CCDC88B: variants seen among roughly 807,000 people sequenced by gnomAD.
CCDC88B encodes coiled-coil domain-containing protein 88B.
A neutral mutation model predicts 183.7 loss-of-function variants in CCDC88B; 138 were observed. The ratio of observed to expected loss-of-function variants is 0.75; its 90% confidence interval spans 0.65 to 0.87. CCDC88B has a LOEUF of 0.87. Among genes scored for constraint, CCDC88B ranks in the 40% least tolerant of loss-of-function variants. CCDC88B has a pLI of 0.00. For synonymous variants in CCDC88B, 835 were observed against 867.5 expected (o/e 0.96, Z 0.66); for missense variants, 1,822 against 1,965.6 (o/e 0.93, Z 1.38).
At chr11:64,353,274 G>A in intron 21 of CCDC88B, 34 bp downstream of exon 21, 1 of 1,572,520 alleles carries the variant, frequency 6.4e-7, no homozygotes, top group Non-Finnish European at 8.6e-7. Context: ...GTATGGGCGT[G>A]TGGTGGGGCA....
chr11:64,356,911 T>C (rs1054261451), intron 26 of CCDC88B, 128 bp from the exon 27 acceptor site: 2 of 836,490 alleles, frequency 2.4e-6, no homozygotes, highest in Non-Finnish European at 3.8e-6. Context: ...ACAGCAGGCG[T>C]GGTGCAGCTG....
Position 64,344,150 on chromosome 11 carries a change from T to C in CCDC88B, c.1609T>C (p.Leu537=). 6.2e-7 allele frequency: 1 copy of C among 1,613,292 alleles called. No homozygotes were observed. The highest frequency in any genetic ancestry group is 8.5e-7 in the Non-Finnish European group (1 of 1,179,850). The change falls in exon 14 of 27, where the codon TTA becomes CTA. Residue 537 remains leucine, a synonymous_variant. Transcript: ENST00000356786. This position sits in a 1 kb window ranked among gnomAD's most constrained non-coding sequence, Gnocchi z 4.5. ...PQALDLAPPA[L]DSVLEASAEC... Reference sequence around the variant, plus strand: ...GGCCTTGGACTTGGCTCCCCCGGCATTAGACTCAGTGCTCGAGGCATCAGC... The same window carrying C: ...GGCCTTGGACTTGGCTCCCCCGGCACTAGACTCAGTGCTCGAGGCATCAGC...
At chr11:64,345,661 G>A (rs1369894309) in intron 14 of CCDC88B, among the ~76,000 whole-genome samples, 1 of 152,188 alleles carries the variant, frequency 6.6e-6, no homozygotes, top group Non-Finnish European at 1.5e-5. Flanking sequence ...GTCACTAGGT[G>A]GGGAGGACAT....
At chr11:64,341,796 G>C (rs930139730) in intron 7 of CCDC88B, 54 bp downstream of exon 7, 4 of 1,537,170 alleles carry the variant, frequency 2.6e-6, no homozygotes, top group Non-Finnish European at 3.5e-6. Context: ...AGGACCATCA[G>C]GGAGCCGGTT....
rs766487376 is a variant in CCDC88B, at chr11:64,345,103, C to T, written c.2562C>T (p.Arg854=). 1.1e-4 allele frequency: 177 copies of T among 1,550,946 alleles called. No individual in the cohort carries two copies. The highest frequency in any genetic ancestry group is 1.4e-4 in the Non-Finnish European group (163 of 1,151,760). ...ERMQVLESEG[R]QHLEEAERER... ...TGCAGGTGCTGGAGAGCGAGGGCCG[C>T]CAGCACTTGGAGGAGGCTGAGAGGG... is the stretch of plus-strand genomic sequence containing the variant. Residue 854 remains arginine, a synonymous_variant, in exon 14 of 27, where the codon CGC becomes CGT. Coordinates refer to ENST00000356786, the MANE Select transcript of CCDC88B (RefSeq NM_032251.6).
Position 64,357,306 on chromosome 11 carries a change from C to T in CCDC88B, c.*212C>T, listed in dbSNP as rs762147874. The T allele has an allele frequency of 2.2e-4, 160 of 727,566 alleles. No homozygotes were observed. Among genetic ancestry groups the T allele is most frequent in the Non-Finnish European group, 3.5e-4 (139 of 394,190 alleles). The allele number at this position is 727,566 out of a possible 1,614,324, so 45.1% of individuals were successfully genotyped here. On this transcript the variant is annotated 3_prime_UTR_variant, in exon 27 of 27. Transcript: ENST00000356786. ...GGACAGGGGGGATGGCTGGCCCCCA[C>T]GAGCAGCTCCAGGCTGGAGTTCTGG...
chr11:64,342,402 C>T (rs1418434372), intron 9 of CCDC88B, 27 bp downstream of exon 9: 9 of 1,558,062 alleles, frequency 5.8e-6, no homozygotes, highest in Middle Eastern at 2.1e-4. Context: ...CCCGCCACCG[C>T]GGCATTCCCT....
rs200112857 is a variant in CCDC88B at position 64,345,102 on chromosome 11, G to A, written c.2561G>A (p.Arg854His). ...ERMQVLESEG[R>H]QHLEEAERER... ...ATGCAGGTGCTGGAGAGCGAGGGCCGCCAGCACTTGGAGGAGGCTGAGAGG... is the reference window on the plus strand; with the variant it reads ...ATGCAGGTGCTGGAGAGCGAGGGCCACCAGCACTTGGAGGAGGCTGAGAGG... Residue 854 changes from arginine to histidine, a missense_variant, in exon 14 of 27, where the codon CGC becomes CAC. Physicochemically the swap from Arg to His is conservative, Grantham distance 29 (BLOSUM62 0). Coordinates refer to ENST00000356786, the MANE Select transcript of CCDC88B (RefSeq NM_032251.6). 3.4e-5 allele frequency: 53 copies of A among 1,550,730 alleles called. No individual in the cohort carries two copies. Among genetic ancestry groups the A allele is most frequent in the Admixed American group, 2.7e-4 (14 of 51,696 alleles).
chr11:64,345,436 C>A (rs184917697), intron 14 of CCDC88B, among the ~76,000 whole-genome samples: 166 of 152,316 alleles, frequency 1.1e-3, no homozygotes, highest in Admixed American at 4.7e-3. Flanking sequence ...CCCCAGGCAT[C>A]CTTCTGTAAA....
At chr11:64,341,058 G>C (rs1252422913) in intron 3 of CCDC88B, 40 bp downstream of exon 3, 2 of 1,613,800 alleles carry the variant, frequency 1.2e-6, no homozygotes, top group African/African-American at 2.7e-5. Context: ...AGGAGGGGAA[G>C]AGGAGCCCCT....
intron 10 of CCDC88B, 46 bp from the exon 11 acceptor site, chr11:64,343,133 T>C: frequency 6.7e-7 from 1 of 1,483,418 alleles, no homozygotes. Context: ...GGCGCTGGAG[T>C]GCATGGGGGC....
At chr11:64,349,297 C>T in intron 14 of CCDC88B, 34 bp from the exon 15 acceptor site, 8 of 1,545,272 alleles carry the variant, frequency 5.2e-6, no homozygotes, top group Non-Finnish European at 6.1e-6. Context: ...TGTCTCCTGC[C>T]CCCTTGCCCT....
Position 64,341,404 on chromosome 11 carries a change from T to C in CCDC88B, c.448-17T>C. 6.2e-7 allele frequency: 1 copy of C among 1,613,946 alleles called. No homozygotes were observed. The highest frequency in any genetic ancestry group is 8.5e-7 in the Non-Finnish European group (1 of 1,179,968). The stretch of plus-strand genomic sequence containing the variant: ...GAGGGAGATCCTGCACCAGCTCCCC[T>C]TCCTGTCTCCCCTCAGTGTGAGCAC... On this transcript the variant is annotated splice_polypyrimidine_tract_variant and intron_variant, in intron 5 of 26. Transcript: ENST00000356786.
At chr11:64,347,848 C>T (rs899662601) in intron 14 of CCDC88B, among the ~76,000 whole-genome samples, 7 of 151,932 alleles carry the variant, frequency 4.6e-5, no homozygotes, top group African/African-American at 1.2e-4. Flanking sequence ...GTCAGGAGTT[C>T]GAGACCAGCC....
chr11:64,341,802 C>T (rs1401937918), intron 7 of CCDC88B, 60 bp downstream of exon 7: 4 of 1,532,280 alleles, frequency 2.6e-6, no homozygotes, highest in South Asian at 2.5e-5. Flanking sequence ...ATCAGGGAGC[C>T]GGTTGTGCAA....
At chr11:64,354,699 C>CA (rs1239769827) in intron 24 of CCDC88B, among the ~76,000 whole-genome samples, 1 of 28,108 alleles carries the variant, frequency 3.6e-5, no homozygotes, top group Non-Finnish European at 8.9e-5. Context: ...CCGCCCCCCC[C>CA]CTCTGACCCC....
rs1003085882 is a variant in CCDC88B, at chr11:64,344,318, G to A, written c.1777G>A (p.Gly593Ser). 20 of 1,613,332 alleles carry A rather than the reference G, an allele frequency of 1.2e-5. No individual in the cohort carries two copies. The highest frequency in any genetic ancestry group is 1.7e-5 in the Non-Finnish European group (20 of 1,179,886). Residue 593 changes from glycine to serine, a missense_variant, in exon 14 of 27, where the codon GGC becomes AGC. Coordinates refer to ENST00000356786, the MANE Select transcript of CCDC88B (RefSeq NM_032251.6). This position sits in a 1 kb window ranked among gnomAD's most constrained non-coding sequence, Gnocchi z 4.5. ...VETQESPEKAGRRSSLQSPAS... is the reference protein window; with the variant it reads ...VETQESPEKASRRSSLQSPAS... ...GACACAGGAGTCCCCGGAGAAGGCTGGCCGTAGATCCTCTCTCCAGAGCCC... is the reference window on the plus strand; with the variant it reads ...GACACAGGAGTCCCCGGAGAAGGCTAGCCGTAGATCCTCTCTCCAGAGCCC...
At chr11:64,351,933 C>T (rs1476289321) in intron 18 of CCDC88B, among the ~76,000 whole-genome samples, 197 bp from the exon 19 acceptor site, 1 of 152,146 alleles carries the variant, frequency 6.6e-6, no homozygotes. Context: ...GCCCAGCCAG[C>T]CTCTGCCGCC....
intron 14 of CCDC88B, among the ~76,000 whole-genome samples, chr11:64,346,407 T>C (rs2036105222): frequency 6.6e-6 from 1 of 151,604 alleles, no homozygotes; most frequent in Non-Finnish European, 1.5e-5. Flanking sequence ...TAGCTGGGAG[T>C]ACAGGCACAC....
Sources: gnomAD v4.1 joint callset for allele counts (sites outside exome capture counted in the v4.1 genomes callset) on GRCh38, gnomAD v4.1.1 for gene constraint, Gnocchi (gnomAD v3.1) non-coding constraint, MANE v1.5 for transcripts, NCBI Gene and HGNC (gene_info 2026-07-23, HGNC 2026-07-21) for gene names.